ADAMTS2: variants seen among roughly 807,000 people sequenced by gnomAD.
ADAMTS2 encodes A disintegrin and metalloproteinase with thrombospondin motifs 2.
Under a neutral mutation model 123.0 loss-of-function variants are expected in ADAMTS2, and 50 were observed. That is an observed-to-expected ratio of 0.41 (90% CI 0.32 to 0.51). The LOEUF (loss-of-function observed/expected upper bound fraction) is 0.51, where lower values mean the gene tolerates loss of function less well. ADAMTS2 is among the 20% of genes least tolerant of loss of function. The pLI, the probability that ADAMTS2 is intolerant of heterozygous loss-of-function variation, is 0.35. For missense variants in ADAMTS2, 1,494 were observed against 1,705.2 expected (o/e 0.88, Z 2.18); for synonymous variants, 678 against 695.4 (o/e 0.98, Z 0.39).
chr5:179,264,631 A>T (rs1344059495), intron 3 of ADAMTS2, among the ~76,000 whole-genome samples: 1 of 152,242 alleles, frequency 6.6e-6, no homozygotes. Context: ...CACAGATCCA[A>T]GGGAAGGAAA....
At chr5:179,257,560 C>T (rs990374484) in intron 3 of ADAMTS2, among the ~76,000 whole-genome samples, 5 of 152,244 alleles carry the variant, frequency 3.3e-5, no homozygotes, top group African/African-American at 1.2e-4. Flanking sequence ...CTGCGCCCTC[C>T]CCGCTGCTGG....
intron 2 of ADAMTS2, among the ~76,000 whole-genome samples, chr5:179,329,123 G>C (rs378435): frequency 0.49 from 73,715 of 151,738 alleles, 18,176 homozygotes; most frequent in African/African-American, 0.55. Flanking sequence ...GTCAGGAGAT[G>C]GAGACCATCC....
chr5:179,283,441 G>T (rs1755885188), intron 2 of ADAMTS2, among the ~76,000 whole-genome samples: 1 of 144,900 alleles, frequency 6.9e-6, no homozygotes. Context: ...GATACAAGCT[G>T]AAGAATTCTA....
intron 3 of ADAMTS2, among the ~76,000 whole-genome samples, chr5:179,238,239 G>A (rs469099): frequency 0.15 from 22,902 of 152,194 alleles, 2,353 homozygotes; most frequent in Non-Finnish European, 0.21. Context: ...AACCGCAGAC[G>A]TCTCTCCAGG....
intron 2 of ADAMTS2, among the ~76,000 whole-genome samples, chr5:179,280,469 T>C (rs1053702140): frequency 6.6e-6 from 1 of 152,190 alleles, no homozygotes; most frequent in Non-Finnish European, 1.5e-5. Flanking sequence ...TGTTTATTCA[T>C]CACCCCAAAA....
intron 3 of ADAMTS2, among the ~76,000 whole-genome samples, chr5:179,220,704 C>T (rs933238836): frequency 1.3e-5 from 2 of 152,202 alleles, no homozygotes; most frequent in East Asian, 3.9e-4. Flanking sequence ...ACTCCAGCAG[C>T]ATCTGCGCCT....
chr5:179,255,960 T>TGGGGA (rs1338057159), intron 3 of ADAMTS2, among the ~76,000 whole-genome samples: 3 of 152,160 alleles, frequency 2.0e-5, no homozygotes, highest in Non-Finnish European at 4.4e-5. Context: ...CCCCACTGGC[T>TGGGGA]GCTCTGGTAG....
At chr5:179,208,177 T>A (rs59756315) in intron 3 of ADAMTS2, among the ~76,000 whole-genome samples, 2 of 43,914 alleles carry the variant, frequency 4.6e-5, no homozygotes, top group East Asian at 1.9e-3. Flanking sequence ...CTGGAGTGGG[T>A]AGAGCCACCT....
Position 179,200,623 on chromosome 5 carries a change from G to A in ADAMTS2, c.891+6890C>T, listed in dbSNP as rs572955906. Among the ~76,000 whole-genome samples, 95 of 152,274 alleles carry A rather than the reference G, an allele frequency of 6.2e-4. 1 individual carries two copies. Among genetic ancestry groups the A allele is most frequent in the African/African-American group, 2.2e-3 (93 of 41,540 alleles). ...TAAACCCAAGAACAGTCAGCGGTTGGTGAGGAACTGGAGCTTGGGAAGTAC... is the reference window on the plus strand; with the variant it reads ...TAAACCCAAGAACAGTCAGCGGTTGATGAGGAACTGGAGCTTGGGAAGTAC... On this transcript the variant is annotated intron_variant, in intron 4 of 21. Transcript: ENST00000251582.
chr5:179,205,358 C>T (rs563505006), intron 4 of ADAMTS2, among the ~76,000 whole-genome samples: 1 of 152,370 alleles, frequency 6.6e-6, no homozygotes, highest in Non-Finnish European at 1.5e-5. Flanking sequence ...AAACTGAAAA[C>T]GTGTTCACCC....
rs1010981734 is a variant in ADAMTS2, at chr5:179,202,731, C to A, written c.891+4782G>T. 2.6e-5 allele frequency among the ~76,000 whole-genome samples: 4 copies of A among 152,060 alleles called. No homozygotes were observed. The highest frequency in any genetic ancestry group is 6.5e-5 in the Admixed American group (1 of 15,274). On this transcript the variant is annotated intron_variant, in intron 4 of 21. Coordinates refer to ENST00000251582, the MANE Select transcript of ADAMTS2 (RefSeq NM_014244.5). This position sits in a 1 kb window ranked among gnomAD's most constrained non-coding sequence, Gnocchi z 4.0. ...ACACCGCACACCGTGTTTCCTTACT[C>A]ACACCATGGCGCGGGGTGGGTCGGG...
chr5:179,204,622 C>T lies in ADAMTS2; in HGVS notation c.891+2891G>A, dbSNP rs567236678. On this transcript the variant is annotated intron_variant, in intron 4 of 21. Transcript: ENST00000251582. ...AAGACCACCAAAGGGTCCGACATAG[C>T]TTAGATCTGTCCTCAGGACTCTCCG... 3.4e-4 allele frequency among the ~76,000 whole-genome samples: 52 copies of T among 152,360 alleles called. 1 individual carries two copies. The Middle Eastern group carries it at 0.01, about 30-fold the overall frequency.
intron 5 of ADAMTS2, among the ~76,000 whole-genome samples, chr5:179,165,786 A>T (rs1763685657): frequency 6.6e-6 from 1 of 151,974 alleles, no homozygotes; most frequent in African/African-American, 2.4e-5. Context: ...AGCTCCCAGA[A>T]CTCCCAGGTC....
chr5:179,341,427 G>A (rs1029855688), intron 2 of ADAMTS2: 15 of 321,330 alleles, frequency 4.7e-5, no homozygotes, highest in African/African-American at 8.9e-5. Flanking sequence ...GAGGCTGGGC[G>A]CAGTGGCTCA....
intron 2 of ADAMTS2, among the ~76,000 whole-genome samples, chr5:179,342,179 G>A (rs1561773532): frequency 2.0e-5 from 3 of 152,216 alleles, no homozygotes. Context: ...ACAGTGACAA[G>A]TCCTCCCCAA....
At chr5:179,241,770 T>C (rs1427444203) in intron 3 of ADAMTS2, among the ~76,000 whole-genome samples, 2 of 152,276 alleles carry the variant, frequency 1.3e-5, no homozygotes, top group Non-Finnish European at 2.9e-5. Context: ...GTTCTGAGTA[T>C]GTCGAAGAGA....
At chr5:179,208,803 C>A (rs944889540) in intron 3 of ADAMTS2, among the ~76,000 whole-genome samples, 16 of 152,178 alleles carry the variant, frequency 1.1e-4, no homozygotes, top group Non-Finnish European at 1.6e-4. Context: ...AGGTCCCAGC[C>A]CCAGGGTCTC....
Position 179,307,409 on chromosome 5 carries a change from G to A in ADAMTS2, c.535-34345C>T, listed in dbSNP as rs1217997399. Among the ~76,000 whole-genome samples, 2 of 152,080 alleles carry A rather than the reference G, an allele frequency of 1.3e-5. No homozygotes were observed. Among genetic ancestry groups the A allele is most frequent in the Non-Finnish European group, 2.9e-5 (2 of 68,018 alleles). ...GACACAGAAGCAGCTCTGCCCATGA[G>A]CATTCAACAGCCCGGTCCGGGGGGC... On this transcript the variant is annotated intron_variant, in intron 2 of 21. Coordinates refer to ENST00000251582, the MANE Select transcript of ADAMTS2 (RefSeq NM_014244.5). This position sits in a 1 kb window ranked among gnomAD's most constrained non-coding sequence, Gnocchi z 5.6.
rs1231136269 is a variant in ADAMTS2 at position 179,170,541 on chromosome 5, G to A, written c.975+10531C>T. Among the ~76,000 whole-genome samples, 1 of 152,082 alleles carries A rather than the reference G, an allele frequency of 6.6e-6. No homozygotes were observed. Among genetic ancestry groups the A allele is most frequent in the South Asian group, 2.1e-4 (1 of 4,820 alleles). ...GCTCATCAGAATTCATCCCCACCAT[G>A]TGCCAAACTTTGTCCCCAGAGCCCC... is the stretch of plus-strand genomic sequence containing the variant. On this transcript the variant is annotated intron_variant, in intron 5 of 21. Coordinates refer to ENST00000251582, the MANE Select transcript of ADAMTS2 (RefSeq NM_014244.5). The surrounding 1 kb of genome is among the most constrained non-coding windows in gnomAD (Gnocchi z 4.3).
Sources: allele counts gnomAD v4.1 joint callset (sites outside exome capture counted in the v4.1 genomes callset), GRCh38; gene constraint gnomAD v4.1.1; non-coding constraint Gnocchi (gnomAD v3.1); transcripts MANE v1.5; gene names NCBI Gene and HGNC (gene_info 2026-07-23, HGNC 2026-07-21).